MB21D2: variants seen among roughly 807,000 people sequenced by gnomAD.
MB21D2 encodes Mab-21 domain containing 2.
MB21D2 carries 9 observed loss-of-function variants against 33.3 expected under a neutral mutation model. The observed-to-expected ratio is 0.27, with a 90% CI of 0.16 to 0.47. The LOEUF is 0.47. Among genes scored for constraint, MB21D2 ranks in the 20% least tolerant of loss-of-function variants. The pLI is 0.99. For synonymous variants in MB21D2, 241 were observed against 236.3 expected, an observed-to-expected ratio of 1.02 and a Z score of -0.18; for missense variants, 540 against 624.6, an observed-to-expected ratio of 0.86 and a Z score of 1.44.
chr3:192,880,325 T>C (rs148500586), intron 1 of MB21D2, among the ~76,000 whole-genome samples: 1,818 of 151,858 alleles, frequency 0.012, 56 homozygotes, highest in African/African-American at 0.042. Flanking sequence ...CCAGCCTGGG[T>C]GACAGTGTGA....
chr3:192,861,498 A>G (rs769980010), intron 1 of MB21D2, among the ~76,000 whole-genome samples: 17 of 152,260 alleles, frequency 1.1e-4, no homozygotes, highest in Non-Finnish European at 1.9e-4. Context: ...GCAGCAGCAC[A>G]GTGACCTTTA....
At chr3:192,829,386 G>A (rs1026775951) in intron 1 of MB21D2, among the ~76,000 whole-genome samples, 1 of 152,146 alleles carries the variant, frequency 6.6e-6, no homozygotes, top group Non-Finnish European at 1.5e-5. Flanking sequence ...ACGAATACCT[G>A]GAAGTGCGAT....
rs61729336 is a variant in MB21D2 at position 192,798,532 on chromosome 3, C to T, written c.1330G>A (p.Gly444Arg). The stretch of plus-strand genomic sequence containing the variant: ...TCATCAGGCTGGTTGGGGTCCCCTC[C>T]GTCAGACTGTGGAGAGGGGATGCTG... ...TTSIPSPQSD[G>R]GDPNQPDDRL... The change falls in exon 2 of 2, where the codon GGA becomes AGA. Residue 444 changes from glycine (G) to arginine (R), a missense_variant. By Grantham distance (125) the Gly-to-Arg change is moderately radical. Coordinates refer to ENST00000392452, the MANE Select transcript of MB21D2 (RefSeq NM_178496.4). The surrounding 1 kb of genome is among the most constrained non-coding windows in gnomAD (Gnocchi z 4.8). The T allele has an allele frequency of 1.9e-4, 313 of 1,614,166 alleles. 2 individuals carry two copies. The Middle Eastern group carries it at 2.1e-3, about 11-fold the overall frequency.
At chr3:192,817,497 G>A (rs1329136912) in intron 1 of MB21D2, among the ~76,000 whole-genome samples, 1 of 152,138 alleles carries the variant, frequency 6.6e-6, no homozygotes, top group Non-Finnish European at 1.5e-5. Context: ...GTTAGTTTTA[G>A]CTTAATATAA....
At position 192,801,307 on chromosome 3, in the gene MB21D2, A is replaced by G. The variant is rs572279014; in HGVS notation, c.212-1657T>C. ...AGCGTCATCCTGTGATTTATTTAACAGTGTTTCCCCAAAGATCAAGACCTA... is the reference window on the plus strand; with the variant it reads ...AGCGTCATCCTGTGATTTATTTAACGGTGTTTCCCCAAAGATCAAGACCTA... On this transcript the variant is annotated intron_variant, in intron 1 of 1. Coordinates refer to ENST00000392452, the MANE Select transcript of MB21D2 (RefSeq NM_178496.4). 9.1e-4 allele frequency among the ~76,000 whole-genome samples: 139 copies of G among 152,326 alleles called. 1 individual carries two copies. The highest frequency in any genetic ancestry group is 3.3e-3 in the African/African-American group (138 of 41,588).
intron 1 of MB21D2, among the ~76,000 whole-genome samples, chr3:192,833,265 A>G (rs62293201): frequency 0.069 from 10,559 of 152,292 alleles, 451 homozygotes; most frequent in Non-Finnish European, 0.098. Flanking sequence ...TCAATGACTC[A>G]TTCAAGCCAA....
intron 1 of MB21D2, among the ~76,000 whole-genome samples, chr3:192,838,739 T>C (rs918507109): frequency 1.3e-5 from 2 of 152,208 alleles, no homozygotes; most frequent in Admixed American, 6.5e-5. Flanking sequence ...TGTGGACATA[T>C]TTTAAACCAG....
At chr3:192,873,036 A>G (rs749768922) in intron 1 of MB21D2, among the ~76,000 whole-genome samples, 4 of 151,946 alleles carry the variant, frequency 2.6e-5, no homozygotes, top group African/African-American at 9.7e-5. Context: ...AAGCAACTCA[A>G]AATGCTGTGT....
At chr3:192,884,437 G>T (rs1258005412) in intron 1 of MB21D2, among the ~76,000 whole-genome samples, 1 of 151,742 alleles carries the variant, frequency 6.6e-6, no homozygotes, top group African/African-American at 2.4e-5. Flanking sequence ...CGCGATCTAG[G>T]CTCACTGCAA....
intron 1 of MB21D2, among the ~76,000 whole-genome samples, chr3:192,896,385 A>G (rs1713973846): frequency 7.2e-6 from 1 of 138,876 alleles, no homozygotes; most frequent in South Asian, 2.4e-4. Context: ...TGTTTCAGAG[A>G]TGAGGTCTTT....
chr3:192,875,467 CTTGTTG>C (rs1020765367), intron 1 of MB21D2, among the ~76,000 whole-genome samples: 3 of 152,024 alleles, frequency 2.0e-5, no homozygotes, highest in Non-Finnish European at 4.4e-5. Context: ...TTGAATTTTT[CTTGTTG>C]TTGTTGTTGT....
intron 1 of MB21D2, among the ~76,000 whole-genome samples, chr3:192,806,584 A>T (rs913795321): frequency 2.0e-5 from 3 of 152,186 alleles, no homozygotes; most frequent in Non-Finnish European, 4.4e-5. Context: ...TGTGGTCAAC[A>T]TTCTTTTGCT....
At chr3:192,848,941 G>A (rs969134044) in intron 1 of MB21D2, among the ~76,000 whole-genome samples, 2 of 152,166 alleles carry the variant, frequency 1.3e-5, no homozygotes, top group Non-Finnish European at 2.9e-5. Context: ...GAGGGCCCCT[G>A]GGAACTTGAC....
chr3:192,917,104 GCT>G (rs919646811), intron 1 of MB21D2, among the ~76,000 whole-genome samples: 4 of 152,220 alleles, frequency 2.6e-5, no homozygotes, highest in African/African-American at 9.6e-5. Flanking sequence ...GCCACCGGGG[GCT>G]CGGCATGACA....
intron 1 of MB21D2, among the ~76,000 whole-genome samples, chr3:192,892,744 T>G (rs957123191): frequency 6.6e-6 from 1 of 152,040 alleles, no homozygotes; most frequent in African/African-American, 2.4e-5. Context: ...CGCCCGGCCA[T>G]AGTCATTGCT....
chr3:192,812,333 G>C (rs1711806737), intron 1 of MB21D2, among the ~76,000 whole-genome samples: 1 of 110,226 alleles, frequency 9.1e-6, no homozygotes, highest in Non-Finnish European at 2.0e-5. Context: ...ACCATGCCCG[G>C]CCTGTACTTT....
In MB21D2 at chr3:192,797,982, CAAAATAATA is replaced by C. The variant is rs571375255; in HGVS notation, c.*395_*403del. On this transcript the variant is annotated 3_prime_UTR_variant, in exon 2 of 2. Transcript: ENST00000392452. ...AAGCTCATAAGAAAAAAGACAAAAA[CAAAATAATA>C]AAAATAATAGGATAGAATCGTTAAG... 545 of 157,040 alleles carry C rather than the reference CAAAATAATA, an allele frequency of 3.5e-3. 3 individuals are homozygous for C. Among genetic ancestry groups the C allele is most frequent in the Non-Finnish European group, 5.8e-3 (409 of 70,838 alleles). The allele number at this position is 157,040 out of a possible 1,614,324, so 9.7% of individuals were successfully genotyped here. A position where few individuals can be genotyped will look rare whatever the true frequency, so the allele number is the denominator to read the frequency against.
At chr3:192,840,952 T>G (rs1489287816) in intron 1 of MB21D2, among the ~76,000 whole-genome samples, 2 of 152,114 alleles carry the variant, frequency 1.3e-5, no homozygotes, top group African/African-American at 4.8e-5. Flanking sequence ...GAAAGCAAAA[T>G]CAGCATACCA....
chr3:192,853,326 G>C (rs534056709), intron 1 of MB21D2, among the ~76,000 whole-genome samples: 1 of 152,256 alleles, frequency 6.6e-6, no homozygotes, highest in South Asian at 2.1e-4. Flanking sequence ...CCTTTCTTTA[G>C]GAGGCACTTC....
Sources: allele counts gnomAD v4.1 joint callset (sites outside exome capture counted in the v4.1 genomes callset), GRCh38; gene constraint gnomAD v4.1.1; non-coding constraint Gnocchi (gnomAD v3.1); transcripts MANE v1.5; gene names NCBI Gene and HGNC (gene_info 2026-07-23, HGNC 2026-07-21).